The following DAPL1 variants were observed in gnomAD, a reference collection of about 807,000 sequenced individuals.
DAPL1 encodes the protein death associated protein like 1, also known as death-associated protein-like 1.
DAPL1 carries 17 observed loss-of-function variants against 12.9 expected under a neutral mutation model. The observed-to-expected ratio is 1.32, with a 90% CI of 0.90 to 1.98. DAPL1 has a LOEUF of 1.98. Among genes scored for constraint, DAPL1 ranks in the 30% most tolerant of loss-of-function variants. DAPL1 has a pLI of 0.00. For synonymous variants in DAPL1, 51 were observed against 42.0 expected (o/e 1.21, Z -0.82); for missense variants, 157 against 125.7 (o/e 1.25, Z -1.19).
intron 1 of DAPL1, among the ~76,000 whole-genome samples, chr2:158,802,032 T>C (rs1054659314): frequency 6.6e-6 from 1 of 152,078 alleles, no homozygotes; most frequent in Non-Finnish European, 1.5e-5. Flanking sequence ...ACATGAGAAA[T>C]GAGAATTAAA....
intron 1 of DAPL1, among the ~76,000 whole-genome samples, chr2:158,801,711 G>A (rs944595427): frequency 1.3e-5 from 2 of 151,990 alleles, no homozygotes; most frequent in Non-Finnish European, 2.9e-5. Flanking sequence ...ATGAATGCAG[G>A]AATGGTTGAA....
intron 3 of DAPL1, among the ~76,000 whole-genome samples, chr2:158,810,931 G>T (rs1406995374): frequency 1.3e-5 from 2 of 152,214 alleles, no homozygotes; most frequent in Non-Finnish European, 2.9e-5. Flanking sequence ...TCTGGGATTT[G>T]TGCTCGTTCA....
Position 158,804,818 on chromosome 2 carries a change from T to G in DAPL1, c.146+449T>G, listed in dbSNP as rs181770556. Among the ~76,000 whole-genome samples, 4 of 152,356 alleles carry G rather than the reference T, an allele frequency of 2.6e-5. No homozygotes were observed. The East Asian group carries it at 7.7e-4, about 29-fold the overall frequency. ...TTGTTTTAAACCCATCACTGAATTA[T>G]TTAGAAAGTAATGGCCACTATATTT... On this transcript the variant is annotated intron_variant, in intron 2 of 3. Transcript: ENST00000309950.
chr2:158,815,945 T>TC lies in DAPL1; in HGVS notation c.*128dup. 1 of 693,002 alleles carries TC rather than the reference T, an allele frequency of 1.4e-6. No homozygotes were observed. The highest frequency in any genetic ancestry group is 2.6e-6 in the Non-Finnish European group (1 of 388,906). 42.9% of individuals were successfully genotyped at this position (693,002 alleles called of 1,614,324 possible). A position where few individuals can be genotyped will look rare whatever the true frequency, so the allele number is the denominator to read the frequency against. On this transcript the variant is annotated 3_prime_UTR_variant, in exon 4 of 4. Transcript: ENST00000309950. Reference sequence around the variant, plus strand: ...GGTAAATTAAGCAGCTTTTGTATCTTCCCCTTTGACTTTAGGTAATAAAGC... The same window carrying TC: ...GGTAAATTAAGCAGCTTTTGTATCTTCCCCCTTTGACTTTAGGTAATAAAGC...
chr2:158,810,522 C>A (rs1357836871), intron 3 of DAPL1, among the ~76,000 whole-genome samples: 1 of 152,210 alleles, frequency 6.6e-6, no homozygotes, highest in Non-Finnish European at 1.5e-5. Flanking sequence ...TGCTACTCAT[C>A]TCTGAATTCC....
chr2:158,800,044 C>G (rs2059158350), intron 1 of DAPL1, among the ~76,000 whole-genome samples: 1 of 131,586 alleles, frequency 7.6e-6, no homozygotes, highest in Non-Finnish European at 1.5e-5. Flanking sequence ...AGCCTGGCGA[C>G]AGAGCGAGAC....
At chr2:158,795,655 G>A (rs139786792) in intron 1 of DAPL1, among the ~76,000 whole-genome samples, 22 of 152,242 alleles carry the variant, frequency 1.4e-4, no homozygotes, top group African/African-American at 4.6e-4. Context: ...AATTACCTAC[G>A]GCAGTGTATG....
intron 3 of DAPL1, among the ~76,000 whole-genome samples, chr2:158,813,851 G>A (rs564593160): frequency 5.3e-5 from 8 of 152,092 alleles, no homozygotes; most frequent in Middle Eastern, 3.4e-3. Context: ...CACCGAGCCC[G>A]GCCTCCTTTC....
At chr2:158,813,149 A>G (rs1205781874) in intron 3 of DAPL1, among the ~76,000 whole-genome samples, 1 of 152,230 alleles carries the variant, frequency 6.6e-6, no homozygotes, top group Non-Finnish European at 1.5e-5. Flanking sequence ...CAAATATTGA[A>G]TGATTCTACC....
chr2:158,798,299 G>A lies in DAPL1; in HGVS notation c.58+2869G>A, dbSNP rs114774468. 3.4e-3 allele frequency among the ~76,000 whole-genome samples: 520 copies of A among 152,288 alleles called. 5 individuals are homozygous for A. The highest frequency in any genetic ancestry group is 0.012 in the African/African-American group (487 of 41,548). On this transcript the variant is annotated intron_variant, in intron 1 of 3. Transcript: ENST00000309950. ...TGTAAAACTAATGCAGAAAATGGGG[G>A]ACAACCATAAACTGCATATGGACCA...
chr2:158,804,310 A>T lies in DAPL1; in HGVS notation c.87A>T (p.Lys29Asn). 6.2e-7 allele frequency: 1 copy of T among 1,611,430 alleles called. No individual in the cohort carries two copies. The highest frequency in any genetic ancestry group is 8.5e-7 in the Non-Finnish European group (1 of 1,178,538). The change falls in exon 2 of 4, where the codon AAA becomes AAT. Residue 29 changes from lysine (K) to asparagine (N), a missense_variant. Transcript: ENST00000309950. ...AVKAGGMRIS[K>N]KQEIGTLERH... ...AAGCTGGAGGAATGAGAATTTCCAA[A>T]AAACAAGAAATTGGCACCTTGGAAA...
Position 158,807,073 on chromosome 2 carries a change from CA to C in DAPL1, c.169del (p.Ile57TyrfsTer7). ...TTCACAGTGCCATTGCAAATGTTGC[CA>C]AAATACAGACACTGGATGCCCTGAA... ...EKTSAIANVA[K>X]IQTLDALNDA... is the part of the protein sequence containing the mutation. On this transcript the variant is annotated frameshift_variant, in exon 3 of 4. Coordinates refer to ENST00000309950, the MANE Select transcript of DAPL1 (RefSeq NM_001017920.3). LOFTEE classifies it high-confidence loss of function. The C allele has an allele frequency of 6.2e-7, 1 of 1,612,220 alleles. No individual in the cohort carries two copies. Among genetic ancestry groups the C allele is most frequent in the Non-Finnish European group, 8.5e-7 (1 of 1,178,798 alleles).
At chr2:158,805,451 T>G (rs1426845277) in intron 2 of DAPL1, among the ~76,000 whole-genome samples, 3 of 152,172 alleles carry the variant, frequency 2.0e-5, no homozygotes, top group African/African-American at 7.2e-5. Context: ...GTTCCTAGAA[T>G]AGTGAATGCA....
chr2:158,799,175 G>C lies in DAPL1; in HGVS notation c.58+3745G>C, dbSNP rs566586140. Among the ~76,000 whole-genome samples, 7 of 152,266 alleles carry C rather than the reference G, an allele frequency of 4.6e-5. 1 individual carries two copies. The Middle Eastern group carries it at 0.017, about 370-fold the overall frequency. ...GGTTTTCTAGTGAAATTATCTAAAA[G>C]AGCATCTCCCTTTTTTACATTGTCT... On this transcript the variant is annotated intron_variant, in intron 1 of 3. Coordinates refer to ENST00000309950, the MANE Select transcript of DAPL1 (RefSeq NM_001017920.3).
chr2:158,799,179 A>G (rs983050894), intron 1 of DAPL1, among the ~76,000 whole-genome samples: 9 of 152,252 alleles, frequency 5.9e-5, no homozygotes, highest in African/African-American at 1.9e-4. Context: ...CTAAAAGAGC[A>G]TCTCCCTTTT....
chr2:158,812,260 T>C (rs538440415), intron 3 of DAPL1, among the ~76,000 whole-genome samples: 1 of 152,350 alleles, frequency 6.6e-6, no homozygotes, highest in South Asian at 2.1e-4. Context: ...TCTTTTCTTC[T>C]CTAAAACTTT....
At chr2:158,805,947 C>T (rs1456130879) in intron 2 of DAPL1, among the ~76,000 whole-genome samples, 3 of 147,868 alleles carry the variant, frequency 2.0e-5, no homozygotes, top group East Asian at 1.9e-4. Context: ...CAAAAATGAC[C>T]GATATGAAAT....
intron 3 of DAPL1, among the ~76,000 whole-genome samples, chr2:158,812,970 A>T (rs561178003): frequency 6.6e-6 from 1 of 152,256 alleles, no homozygotes; most frequent in South Asian, 2.1e-4. Context: ...AGATGAAGAG[A>T]TCCTAACCAA....
At chr2:158,812,794 C>CA (rs148850724) in intron 3 of DAPL1, among the ~76,000 whole-genome samples, 71,704 of 124,024 alleles carry the variant, frequency 0.58, 19,864 homozygotes, top group Middle Eastern at 0.64. Flanking sequence ...AACCTCAGCT[C>CA]AAAAAAAAAA....
Sources: allele counts gnomAD v4.1 joint callset (sites outside exome capture counted in the v4.1 genomes callset), GRCh38; gene constraint gnomAD v4.1.1; transcripts MANE v1.5; gene names NCBI Gene and HGNC (gene_info 2026-07-23, HGNC 2026-07-21).